The following UBE2H variants were observed in gnomAD, a reference collection of about 807,000 sequenced individuals.
The protein encoded by UBE2H is ubiquitin conjugating enzyme E2 H, also known as ubiquitin-conjugating enzyme E2 H.
UBE2H carries 3 observed loss-of-function variants against 29.0 expected under a neutral mutation model. The ratio of observed to expected loss-of-function variants is 0.10; its 90% CI spans 0.05 to 0.27. The LOEUF (loss-of-function observed/expected upper bound fraction) is 0.27. UBE2H is among the 10% of genes least tolerant of loss of function. The pLI is 1.00. For synonymous variants in UBE2H, 69 were observed against 82.9 expected, an observed-to-expected ratio of 0.83 and a Z score of 0.91; for missense variants, 68 against 228.2, an observed-to-expected ratio of 0.30 and a Z score of 4.52.
At chr7:129,858,863 T>C (rs960935160) in intron 4 of UBE2H, 39 bp downstream of exon 4, 3 of 1,581,350 alleles carry the variant, frequency 1.9e-6, no homozygotes, top group Non-Finnish European at 2.6e-6. Flanking sequence ...TCATGAGCAG[T>C]TGCTGCTAAA....
chr7:129,839,134 A>C lies in UBE2H; in HGVS notation c.427+73T>G, dbSNP rs562075411. The C allele has an allele frequency of 3.8e-6, 6 of 1,564,096 alleles. No homozygotes were observed. In the Admixed American group the frequency reaches 1.0e-4, roughly 27 times the overall value. On this transcript the variant is annotated intron_variant, in intron 6 of 6. Coordinates refer to ENST00000355621, the MANE Select transcript of UBE2H (RefSeq NM_003344.4). ...AGTATTAGGAACTAAGTAATTTAAGAAGGACTTTTAATGACTGAAGCCCAA... is the reference window on the plus strand; with the variant it reads ...AGTATTAGGAACTAAGTAATTTAAGCAGGACTTTTAATGACTGAAGCCCAA...
At chr7:129,879,914 T>C (rs1806220586) in intron 2 of UBE2H, among the ~76,000 whole-genome samples, 1 of 152,198 alleles carries the variant, frequency 6.6e-6, no homozygotes, top group Non-Finnish European at 1.5e-5. Context: ...TGGTAAGTAA[T>C]AGCCATGTTA....
chr7:129,918,911 C>T (rs1294086665), intron 1 of UBE2H, among the ~76,000 whole-genome samples: 2 of 151,750 alleles, frequency 1.3e-5, no homozygotes, highest in African/African-American at 2.4e-5. Flanking sequence ...GGTGAAACCC[C>T]ATCTCTACAA....
chr7:129,838,158 A>T (rs1805364952), intron 6 of UBE2H, among the ~76,000 whole-genome samples: 1 of 152,218 alleles, frequency 6.6e-6, no homozygotes, highest in South Asian at 2.1e-4. Flanking sequence ...ATTAGATATT[A>T]ATTTGCAAAG....
chr7:129,915,108 C>G (rs112694230), intron 1 of UBE2H, among the ~76,000 whole-genome samples: 1 of 152,060 alleles, frequency 6.6e-6, no homozygotes, highest in Non-Finnish European at 1.5e-5. Context: ...TGTCTTTCCC[C>G]GAGGCTGTGA....
At position 129,952,729 on chromosome 7, in the gene UBE2H, T is replaced by TG. The variant is rs1807908779; in HGVS notation, c.-175dup. On this transcript the variant is annotated 5_prime_UTR_variant, in exon 1 of 7. Transcript: ENST00000355621. ...CCCCGCACGGGGGAACACCGGGCACTGTCCGGCCGGGTGGGGGTGGGGACC... is the reference window on the plus strand; with the variant it reads ...CCCCGCACGGGGGAACACCGGGCACTGGTCCGGCCGGGTGGGGGTGGGGACC... The TG allele has an allele frequency of 1.9e-5, 12 of 617,990 alleles. No individual in the cohort carries two copies. The highest frequency in any genetic ancestry group is 2.4e-5 in the Non-Finnish European group (10 of 421,292). The allele number at this position is 617,990 out of a possible 1,614,324, so 38.3% of individuals were successfully genotyped here. A position where few individuals can be genotyped will look rare whatever the true frequency, so the allele number is the denominator to read the frequency against.
chr7:129,864,951 G>GCA, intron 3 of UBE2H: 1 of 300,028 alleles, frequency 3.3e-6, no homozygotes, highest in South Asian at 2.9e-5. Flanking sequence ...CGTAGTTCTA[G>GCA]CACTCGTTAA....
At chr7:129,930,978 G>C (rs1207994823) in intron 1 of UBE2H, among the ~76,000 whole-genome samples, 3 of 150,868 alleles carry the variant, frequency 2.0e-5, no homozygotes, top group Non-Finnish European at 4.4e-5. Flanking sequence ...CAGCACTTTG[G>C]GAGGCTGAGG....
At chr7:129,909,682 CCTGT>C (rs751825051) in intron 1 of UBE2H, among the ~76,000 whole-genome samples, 2 of 151,870 alleles carry the variant, frequency 1.3e-5, no homozygotes, top group African/African-American at 4.8e-5. Flanking sequence ...ATAATGAGAC[CCTGT>C]CTGTATTAAA....
In UBE2H at chr7:129,831,045, T is replaced by G. The variant is rs908887970; in HGVS notation, c.*3892A>C. On this transcript the variant is annotated 3_prime_UTR_variant, in exon 7 of 7. Transcript: ENST00000355621. ...AGCCAAGATGAGTGTTAGGCTAAAT[T>G]CAGAGCCCTGGCTCTTCCTCAGATG... 1 of 151,982 alleles carries G rather than the reference T, an allele frequency of 6.6e-6. No individual in the cohort carries two copies. The highest frequency in any genetic ancestry group is 1.5e-5 in the Non-Finnish European group (1 of 68,016). The allele number at this position is 151,982 out of a possible 1,614,324, so 9.4% of individuals were successfully genotyped here. A position where few individuals can be genotyped will look rare whatever the true frequency, so the allele number is the denominator to read the frequency against.
chr7:129,851,885 C>T (rs1448468993), intron 5 of UBE2H, among the ~76,000 whole-genome samples: 1 of 152,190 alleles, frequency 6.6e-6, no homozygotes, highest in Non-Finnish European at 1.5e-5. Context: ...AGGTTGGTTA[C>T]GGAGCTAGCT....
chr7:129,860,061 G>A (rs1056115340), intron 3 of UBE2H, among the ~76,000 whole-genome samples: 13 of 152,286 alleles, frequency 8.5e-5, no homozygotes, highest in East Asian at 5.8e-4. Context: ...TACAGTAGGC[G>A]GAGTAAAATG....
chr7:129,924,452 C>T (rs1215979541), intron 1 of UBE2H, among the ~76,000 whole-genome samples: 1 of 151,942 alleles, frequency 6.6e-6, no homozygotes, highest in Non-Finnish European at 1.5e-5. Flanking sequence ...AAATTCATAC[C>T]AAGAAGGTAA....
At chr7:129,894,891 T>C (rs188494215) in intron 1 of UBE2H, among the ~76,000 whole-genome samples, 82 of 152,260 alleles carry the variant, frequency 5.4e-4, no homozygotes, top group African/African-American at 1.9e-3. Context: ...TAGTCAAGCA[T>C]TCAGTTTAAA....
chr7:129,945,680 C>T lies in UBE2H; in HGVS notation c.53+6823G>A, dbSNP rs140111786. Among the ~76,000 whole-genome samples, 551 of 151,702 alleles carry T rather than the reference C, an allele frequency of 3.6e-3. 3 individuals are homozygous for T. The highest frequency in any genetic ancestry group is 0.012 in the African/African-American group (494 of 41,418). On this transcript the variant is annotated intron_variant, in intron 1 of 6. Transcript: ENST00000355621. ...AGATGTTAATTTCAATCTTATTCATCAGAGAAAAATGGCAAAGAATTAAAT... is the reference window on the plus strand; with the variant it reads ...AGATGTTAATTTCAATCTTATTCATTAGAGAAAAATGGCAAAGAATTAAAT...
chr7:129,874,226 T>C (rs576479782), intron 3 of UBE2H, among the ~76,000 whole-genome samples: 3 of 151,914 alleles, frequency 2.0e-5, no homozygotes, highest in Non-Finnish European at 2.9e-5. Flanking sequence ...TGAAGGAGAA[T>C]ATAATAGATC....
At chr7:129,908,293 T>C (rs944483519) in intron 1 of UBE2H, among the ~76,000 whole-genome samples, 1 of 152,204 alleles carries the variant, frequency 6.6e-6, no homozygotes, top group Non-Finnish European at 1.5e-5. Context: ...CCTTTGTGTC[T>C]CCCAATCAAG....
chr7:129,908,942 T>G (rs1303505787), intron 1 of UBE2H, among the ~76,000 whole-genome samples: 5 of 152,244 alleles, frequency 3.3e-5, no homozygotes, highest in African/African-American at 1.2e-4. Flanking sequence ...TCAAAAGTTC[T>G]TAAGTCCATT....
intron 3 of UBE2H, among the ~76,000 whole-genome samples, chr7:129,874,858 A>C (rs76720989): frequency 6.6e-6 from 1 of 152,342 alleles, no homozygotes; most frequent in East Asian, 1.9e-4. Flanking sequence ...GCGTAAAGAC[A>C]GTATCTGAGA....
Sources: gnomAD v4.1 joint callset for allele counts (sites outside exome capture counted in the v4.1 genomes callset) on GRCh38, gnomAD v4.1.1 for gene constraint, MANE v1.5 for transcripts, NCBI Gene and HGNC (gene_info 2026-07-23, HGNC 2026-07-21) for gene names.